The following CACNA1B variants were observed in gnomAD, a reference collection of about 807,000 sequenced individuals.
The protein encoded by CACNA1B is voltage-dependent N-type calcium channel subunit alpha-1B.
Under a neutral mutation model 247.2 loss-of-function variants are expected in CACNA1B, and 70 were observed. The ratio of observed to expected loss-of-function variants is 0.28; its 90% confidence interval spans 0.23 to 0.35. CACNA1B has a LOEUF of 0.35. CACNA1B is among the 10% of genes least tolerant of loss of function. The pLI is 1.00. For missense variants in CACNA1B, 2,367 were observed against 3,197.4 expected (o/e 0.74, Z 6.26); for synonymous variants, 1,231 against 1,294.4 (o/e 0.95, Z 1.05).
Position 138,078,102 on chromosome 9 carries a change from CCTT to C in CACNA1B, c.4950-6_4950-4del, listed in dbSNP as rs1960390646. 22 of 1,612,992 alleles carry C rather than the reference CCTT, an allele frequency of 1.4e-5. No homozygotes were observed. The highest frequency in any genetic ancestry group is 1.7e-4 in the Middle Eastern group (1 of 6,054). Reference sequence around the variant, plus strand: ...GCCTCTGTGGGCCTCACAACTCTGCCCTTCTTCTCAGGAGCGCCACGGGGGAGG... The same window carrying C: ...GCCTCTGTGGGCCTCACAACTCTGCCCTTCTCAGGAGCGCCACGGGGGAGG... On this transcript the variant is annotated splice_polypyrimidine_tract_variant and intron_variant, in intron 35 of 46. Coordinates refer to ENST00000371372, the MANE Select transcript of CACNA1B (RefSeq NM_000718.4).
At chr9:138,094,750 A>C (rs544021327) in intron 36 of CACNA1B, among the ~76,000 whole-genome samples, 1 of 152,332 alleles carries the variant, frequency 6.6e-6, no homozygotes, top group South Asian at 2.1e-4. Context: ...TAGGCCAATT[A>C]AGTAGAATTG....
At position 137,957,607 on chromosome 9, in the gene CACNA1B, G is replaced by A; in HGVS notation, c.1253G>A (p.Arg418Lys). The A allele has an allele frequency of 6.3e-7, 1 of 1,594,714 alleles. No homozygotes were observed. The highest frequency in any genetic ancestry group is 8.5e-7 in the Non-Finnish European group (1 of 1,171,008). ...EEKSPLDVLK[R>K]AATKKSRNDL... ...CCTTTGTTTAAAGCAGTGCTGAAGA[G>A]AGCGGCCACCAAGAAGAGCAGAAAT... Residue 418 changes from arginine (R) to lysine (K), a missense_variant, in exon 10 of 47, where the codon AGA (arginine) becomes AAA (lysine). Around this residue, in one of 12 missense-constraint regions of CACNA1B, gnomAD observed 219 missense variants for 297.6 expected, o/e 0.74. Coordinates refer to ENST00000371372, the MANE Select transcript of CACNA1B (RefSeq NM_000718.4). This position sits in a 1 kb window ranked among gnomAD's most constrained non-coding sequence, Gnocchi z 4.7.
At chr9:137,879,503 G>C (rs950974180) in intron 2 of CACNA1B, among the ~76,000 whole-genome samples, 1 of 152,182 alleles carries the variant, frequency 6.6e-6, no homozygotes, top group Non-Finnish European at 1.5e-5. Context: ...TCATGTCTTC[G>C]GGAAGGTCAG....
intron 36 of CACNA1B, among the ~76,000 whole-genome samples, chr9:138,093,615 C>T (rs1960955040): frequency 6.6e-6 from 1 of 151,422 alleles, no homozygotes; most frequent in Admixed American, 6.6e-5. Context: ...GTCTCATACA[C>T]TTGTAATCCC....
Position 138,007,172 on chromosome 9 carries a change from G to A in CACNA1B, c.2092+288G>A, listed in dbSNP as rs1958663465. On this transcript the variant is annotated intron_variant, in intron 16 of 46. Coordinates refer to ENST00000371372, the MANE Select transcript of CACNA1B (RefSeq NM_000718.4). The surrounding 1 kb of genome is among the most constrained non-coding windows in gnomAD (Gnocchi z 4.1). ...GGACAGACTCTGAGCAGCAGTCGGG[G>A]AGCCTCACACTCTGGGCAGGTGGGT... Among the ~76,000 whole-genome samples the A allele has an allele frequency of 6.6e-6, 1 of 152,210 alleles. No individual in the cohort carries two copies. The highest frequency in any genetic ancestry group is 1.5e-5 in the Non-Finnish European group (1 of 68,032).
In CACNA1B at chr9:138,118,703, C is replaced by T; in HGVS notation, c.5965C>T (p.Pro1989Ser). ...SITRRGPDGE[P>S]QPGLESQGRA... ...AACCCGGAGGGGCCCTGATGGGGAG[C>T]CCCAGCCTGGGCTGGAGAGCCAGGG... Residue 1989 changes from proline (P) to serine (S), a missense_variant, in exon 44 of 47, where the codon CCC (proline) becomes TCC (serine). Coordinates refer to ENST00000371372, the MANE Select transcript of CACNA1B (RefSeq NM_000718.4). 1 of 1,565,822 alleles carries T rather than the reference C, an allele frequency of 6.4e-7. No individual in the cohort carries two copies.
intron 36 of CACNA1B, among the ~76,000 whole-genome samples, chr9:138,092,584 C>T (rs769897251): frequency 4.6e-5 from 7 of 152,056 alleles, no homozygotes; most frequent in Non-Finnish European, 8.8e-5. Context: ...GTACAGATAA[C>T]GCAATCATCA....
chr9:138,111,498 G>A (rs1188954978), intron 39 of CACNA1B, among the ~76,000 whole-genome samples: 4 of 151,932 alleles, frequency 2.6e-5, no homozygotes, highest in Non-Finnish European at 5.9e-5. Flanking sequence ...AGTAGGACGA[G>A]GGGTCGACTC....
Position 138,121,889 on chromosome 9 carries a change from T to C in CACNA1B, c.6910T>C (p.Ser2304Pro). Residue 2304 changes from serine to proline, a missense_variant, in exon 47 of 47, where the codon TCT (serine) becomes CCT (proline). By Grantham distance (74) the Ser-to-Pro change is moderately conservative. Transcript: ENST00000371372. This position sits in a 1 kb window ranked among gnomAD's most constrained non-coding sequence, Gnocchi z 6.8. ...TSYVSSLTSQ[S>P]HPLRRVPNGY... ...CTACGTGTCCTCCCTGACCTCCCAG[T>C]CTCACCCTCTCCGCCGCGTGCCCAA... 1 of 1,612,870 alleles carries C rather than the reference T, an allele frequency of 6.2e-7. No homozygotes were observed. The highest frequency in any genetic ancestry group is 8.5e-7 in the Non-Finnish European group (1 of 1,179,856).
At chr9:137,959,414 CTAAA>C (rs1307292510) in intron 10 of CACNA1B, among the ~76,000 whole-genome samples, 2 of 152,096 alleles carry the variant, frequency 1.3e-5, no homozygotes, top group African/African-American at 2.4e-5. Context: ...ATTGTGGTAG[CTAAA>C]TAGTTTCCTT....
At chr9:138,044,000 A>C in intron 21 of CACNA1B, 100 bp downstream of exon 21, 8 of 1,411,342 alleles carry the variant, frequency 5.7e-6, no homozygotes, top group African/African-American at 1.4e-5. Context: ...CTGCGCACTT[A>C]TGTAGAGAAA....
At chr9:138,031,417 G>A (rs991436183) in intron 20 of CACNA1B, among the ~76,000 whole-genome samples, 3 of 152,104 alleles carry the variant, frequency 2.0e-5, no homozygotes, top group South Asian at 2.1e-4. Flanking sequence ...GTTAAGGTTC[G>A]TGGCCCAGGA....
intron 6 of CACNA1B, among the ~76,000 whole-genome samples, chr9:137,939,868 G>T (rs184560003): frequency 6.6e-6 from 1 of 150,840 alleles, no homozygotes; most frequent in African/African-American, 2.4e-5. Flanking sequence ...AAAATTCTTC[G>T]AACTGAATGA....
In CACNA1B at chr9:137,950,713, A is replaced by G. The variant is rs2133335543; in HGVS notation, c.967-1561A>G. Among the ~76,000 whole-genome samples, 1 of 152,332 alleles carries G rather than the reference A, an allele frequency of 6.6e-6. No homozygotes were observed. Among genetic ancestry groups the G allele is most frequent in the Admixed American group, 6.5e-5 (1 of 15,302 alleles). ...TGCCCCTTGGGCATTTCCAAATTTTAGGCTTCAGCAGCTCCAAATGTGGGA... is the reference window on the plus strand; with the variant it reads ...TGCCCCTTGGGCATTTCCAAATTTTGGGCTTCAGCAGCTCCAAATGTGGGA... On this transcript the variant is annotated intron_variant, in intron 6 of 46. Coordinates refer to ENST00000371372, the MANE Select transcript of CACNA1B (RefSeq NM_000718.4). The surrounding 1 kb of genome is among the most constrained non-coding windows in gnomAD (Gnocchi z 4.8).
intron 6 of CACNA1B, among the ~76,000 whole-genome samples, chr9:137,925,693 C>CT (rs879360576): frequency 2.5e-4 from 36 of 145,572 alleles, no homozygotes; most frequent in Admixed American, 3.4e-4. Flanking sequence ...TTTGGATCTG[C>CT]TTTTTTTTTT....
rs530849037 is a variant in CACNA1B at position 137,900,592 on chromosome 9, A to G, written c.531-12588A>G. On this transcript the variant is annotated intron_variant, in intron 3 of 46. Transcript: ENST00000371372. ...TGTGTGTCTCTGTGTCCGTGTGTCC[A>G]TGTCTGTGCCGTGTGTCTCTGTGTC... Among the ~76,000 whole-genome samples the G allele has an allele frequency of 4.3e-3, 420 of 98,080 alleles. 1 individual carries two copies. The highest frequency in any genetic ancestry group is 0.015 in the African/African-American group (362 of 23,792). 64.3% of individuals were successfully genotyped at this position (98,080 alleles called of 152,430 possible).
At chr9:138,004,626 G>A (rs1417298819) in intron 15 of CACNA1B, among the ~76,000 whole-genome samples, 3 of 151,854 alleles carry the variant, frequency 2.0e-5, no homozygotes, top group South Asian at 4.2e-4. Flanking sequence ...AGAATGATGT[G>A]TAGTCTGGTA....
chr9:137,914,577 T>C lies in CACNA1B; in HGVS notation c.623-77T>C, dbSNP rs1316431370. 1 of 1,256,182 alleles carries C rather than the reference T, an allele frequency of 8.0e-7. No homozygotes were observed. Among genetic ancestry groups the C allele is most frequent in the East Asian group, 2.3e-5 (1 of 42,646 alleles). The allele number at this position is 1,256,182 out of a possible 1,614,324, so 77.8% of individuals were successfully genotyped here. A position where few individuals can be genotyped will look rare whatever the true frequency, so the allele number is the denominator to read the frequency against. On this transcript the variant is annotated intron_variant, in intron 4 of 46. Coordinates refer to ENST00000371372, the MANE Select transcript of CACNA1B (RefSeq NM_000718.4). This position sits in a 1 kb window ranked among gnomAD's most constrained non-coding sequence, Gnocchi z 4.3. ...TGCTGTCCCTGCTAGGTTCCTGCTG[T>C]TCTGTCCCTGCCCCCACCAAATTCC...
At chr9:137,929,943 C>T (rs1021131594) in intron 6 of CACNA1B, among the ~76,000 whole-genome samples, 4 of 152,120 alleles carry the variant, frequency 2.6e-5, no homozygotes, top group African/African-American at 9.7e-5. Flanking sequence ...CGCATGCTAC[C>T]ATGCCTGGCT....
Sources: gnomAD v4.1 joint callset for allele counts (sites outside exome capture counted in the v4.1 genomes callset) on GRCh38, gnomAD v4.1.1 for gene constraint, gnomAD v4.1.1 regional missense constraint, Gnocchi (gnomAD v3.1) non-coding constraint, MANE v1.5 for transcripts, NCBI Gene and HGNC (gene_info 2026-07-23, HGNC 2026-07-21) for gene names.